ARHGAP26: variants seen among roughly 807,000 people sequenced by gnomAD.
ARHGAP26 encodes rho GTPase-activating protein 26.
ARHGAP26 carries 38 observed loss-of-function variants against 104.8 expected under a neutral mutation model. The observed-to-expected ratio is 0.36, with a 90% CI of 0.28 to 0.48. The LOEUF is 0.48. ARHGAP26 is among the 20% of genes least tolerant of loss of function. The pLI is 0.99. For synonymous variants in ARHGAP26, 341 were observed against 340.0 expected, an observed-to-expected ratio of 1.00 and a Z score of -0.03; for missense variants, 704 against 947.9, an observed-to-expected ratio of 0.74 and a Z score of 3.38.
chr5:143,065,699 G>T (rs990751901), intron 17 of ARHGAP26, among the ~76,000 whole-genome samples: 6 of 152,130 alleles, frequency 3.9e-5, no homozygotes, highest in African/African-American at 2.4e-5. Flanking sequence ...TGTGGGCTCC[G>T]CTGCCCTTCC....
chr5:142,928,725 T>C (rs1384544625), intron 10 of ARHGAP26, among the ~76,000 whole-genome samples: 2 of 152,224 alleles, frequency 1.3e-5, no homozygotes, highest in Non-Finnish European at 2.9e-5. Context: ...TATACTTTTC[T>C]CATGATGTAG....
Position 142,879,400 on chromosome 5 carries a change from C to A in ARHGAP26, c.339C>A (p.Ile113=). The A allele has an allele frequency of 6.2e-7, 1 of 1,614,096 alleles. No homozygotes were observed. Among genetic ancestry groups the A allele is most frequent in the Non-Finnish European group, 8.5e-7 (1 of 1,179,988 alleles). The change falls in exon 4 of 23, where the codon ATC becomes ATA. Residue 113 remains isoleucine, a synonymous_variant. Coordinates refer to ENST00000645722, the MANE Select transcript of ARHGAP26 (RefSeq NM_001135608.3). ...TTGAGAATGCCAGCGAGGTGCTCAT[C>A]ACTCCCTTGGAGAAGTTTCGAAAGG... The part of the protein sequence containing the change: ...RMIENASEVL[I]TPLEKFRKEQ...
At chr5:143,009,593 A>G (rs1043365100) in intron 11 of ARHGAP26, among the ~76,000 whole-genome samples, 3 of 152,202 alleles carry the variant, frequency 2.0e-5, no homozygotes, top group East Asian at 1.9e-4. Context: ...ATCATTATTA[A>G]TTTCTATCTG....
chr5:143,074,930 T>C (rs1788774722), intron 17 of ARHGAP26, among the ~76,000 whole-genome samples: 2 of 152,212 alleles, frequency 1.3e-5, no homozygotes, highest in African/African-American at 4.8e-5. Flanking sequence ...AGCATGGGCC[T>C]GTCCACAGGT....
intron 17 of ARHGAP26, among the ~76,000 whole-genome samples, chr5:143,069,467 G>A (rs1787949188): frequency 6.6e-6 from 1 of 152,164 alleles, no homozygotes; most frequent in African/African-American, 2.4e-5. Flanking sequence ...TTGTGAATCT[G>A]CTGCAGGTTA....
chr5:142,774,414 C>CT (rs560578736), intron 1 of ARHGAP26, among the ~76,000 whole-genome samples: 5,051 of 142,478 alleles, frequency 0.035, 228 homozygotes, highest in African/African-American at 0.1. Flanking sequence ...CATTAATGGA[C>CT]TTTTTTTTTT....
intron 1 of ARHGAP26, among the ~76,000 whole-genome samples, chr5:142,830,628 T>C (rs1003627893): frequency 6.6e-6 from 1 of 152,180 alleles, no homozygotes; most frequent in Non-Finnish European, 1.5e-5. Flanking sequence ...ATGTTACCGA[T>C]AGTATCAATT....
intron 20 of ARHGAP26, among the ~76,000 whole-genome samples, chr5:143,196,430 G>A (rs1401200223): frequency 6.6e-6 from 1 of 152,216 alleles, no homozygotes. Flanking sequence ...GAAATACAGA[G>A]TGAGCTTCCT....
At position 143,225,854 on chromosome 5, in the gene ARHGAP26, C is replaced by G. The variant is rs1452489178; in HGVS notation, c.*3408C>G. ...CTCTGTTTCCCTTTGCCCAGCCAGG[C>G]TCCCCTCCTTCCTATTAGCTACAAA... On this transcript the variant is annotated 3_prime_UTR_variant, in exon 23 of 23. Transcript: ENST00000645722. 1 of 227,346 alleles carries G rather than the reference C, an allele frequency of 4.4e-6. No individual in the cohort carries two copies. The highest frequency in any genetic ancestry group is 2.2e-5 in the African/African-American group (1 of 44,940). The allele number at this position is 227,346 out of a possible 1,614,324, so 14.1% of individuals were successfully genotyped here. A position where few individuals can be genotyped will look rare whatever the true frequency, so the allele number is the denominator to read the frequency against.
chr5:143,199,631 A>C (rs115270716), intron 20 of ARHGAP26, among the ~76,000 whole-genome samples: 329 of 152,326 alleles, frequency 2.2e-3, no homozygotes, highest in African/African-American at 7.7e-3. Flanking sequence ...CTAACAGTCT[A>C]ACCTGGAAGG....
At chr5:142,989,073 C>G (rs560226134) in intron 11 of ARHGAP26, among the ~76,000 whole-genome samples, 1 of 152,248 alleles carries the variant, frequency 6.6e-6, no homozygotes, top group South Asian at 2.1e-4. Flanking sequence ...GTTGATCTGT[C>G]TAATGTTGAC....
intron 17 of ARHGAP26, among the ~76,000 whole-genome samples, chr5:143,058,490 A>G (rs999315843): frequency 6.6e-6 from 1 of 152,208 alleles, no homozygotes; most frequent in Admixed American, 6.5e-5. Context: ...TGCATTCATC[A>G]CTACTTGTGT....
At chr5:143,045,378 G>A (rs141099038) in intron 14 of ARHGAP26, among the ~76,000 whole-genome samples, 2 of 152,232 alleles carry the variant, frequency 1.3e-5, no homozygotes, top group African/African-American at 4.8e-5. Context: ...TTCTCCCTAC[G>A]AGTTAAATAA....
At chr5:143,111,775 T>C (rs999694455) in intron 17 of ARHGAP26, among the ~76,000 whole-genome samples, 3 of 152,216 alleles carry the variant, frequency 2.0e-5, no homozygotes, top group Non-Finnish European at 2.9e-5. Context: ...ACCTCGTAAA[T>C]ATTTTTTTGG....
chr5:143,191,762 C>T (rs1402563474), intron 20 of ARHGAP26, among the ~76,000 whole-genome samples: 1 of 152,186 alleles, frequency 6.6e-6, no homozygotes, highest in Non-Finnish European at 1.5e-5. Context: ...AATACTGAAA[C>T]ACAGGCATTC....
chr5:143,062,152 A>G (rs530765364), intron 17 of ARHGAP26, among the ~76,000 whole-genome samples: 2 of 152,360 alleles, frequency 1.3e-5, no homozygotes, highest in Admixed American at 1.3e-4. Context: ...CACAATCAAG[A>G]TATATAGGAC....
chr5:142,906,887 T>C (rs1009902876), intron 8 of ARHGAP26, among the ~76,000 whole-genome samples: 1 of 151,944 alleles, frequency 6.6e-6, no homozygotes, highest in Non-Finnish European at 1.5e-5. Flanking sequence ...TTTTTTTTTT[T>C]AACAATTTCT....
At chr5:142,794,687 G>A (rs189855465) in intron 1 of ARHGAP26, among the ~76,000 whole-genome samples, 2 of 152,282 alleles carry the variant, frequency 1.3e-5, no homozygotes, top group Non-Finnish European at 2.9e-5. Context: ...GGGATGTCAG[G>A]CAGATAGGAG....
At position 142,890,152 on chromosome 5, in the gene ARHGAP26, ATATATATATATAT is replaced by A. The variant is rs1468869699; in HGVS notation, c.487-4085_487-4073del. 1.1e-3 allele frequency among the ~76,000 whole-genome samples: 24 copies of A among 21,944 alleles called. 1 individual carries two copies. Among genetic ancestry groups the A allele is most frequent in the South Asian group, 3.2e-3 (2 of 630 alleles). The allele number at this position is 21,944 out of a possible 152,430, so 14.4% of individuals were successfully genotyped here. On this transcript the variant is annotated intron_variant, in intron 5 of 22. Coordinates refer to ENST00000645722, the MANE Select transcript of ARHGAP26 (RefSeq NM_001135608.3). ...ACTCCGTCTTAAAAAAAAAAAAAAA[ATATATATATATAT>A]ATATATATATATATATATATATATA...
Sources: allele counts gnomAD v4.1 joint callset (sites outside exome capture counted in the v4.1 genomes callset), GRCh38; gene constraint gnomAD v4.1.1; transcripts MANE v1.5; gene names NCBI Gene and HGNC (gene_info 2026-07-23, HGNC 2026-07-21).